ZNF626: variants seen among roughly 807,000 people sequenced by gnomAD.
ZNF626 encodes zinc finger protein 626.
In ZNF626, 4 loss-of-function variants were observed where a neutral mutation model predicts 11.7. The observed-to-expected ratio is 0.34, with a 90% confidence interval of 0.17 to 0.78. ZNF626 has a LOEUF of 0.78. ZNF626 is among the 30% of genes least tolerant of loss of function. ZNF626 has a pLI of 0.57. For synonymous variants in ZNF626, 179 were observed against 198.6 expected (o/e 0.90, Z 0.83); for missense variants, 588 against 587.1 (o/e 1.00, Z -0.01).
chr19:20,655,291 G>A (rs1301504915), intron 1 of ZNF626, among the ~76,000 whole-genome samples: 1 of 152,076 alleles, frequency 6.6e-6, no homozygotes, highest in Non-Finnish European at 1.5e-5. Flanking sequence ...TGCAAATATT[G>A]GATAGTTACC....
intron 3 of ZNF626, among the ~76,000 whole-genome samples, chr19:20,637,616 ATT>A (rs1969980577): frequency 6.6e-6 from 1 of 152,116 alleles, no homozygotes; most frequent in South Asian, 2.1e-4. Flanking sequence ...ATTAAAACAT[ATT>A]GTTTTAACTT....
chr19:20,636,142 A>G (rs140501715), intron 3 of ZNF626, among the ~76,000 whole-genome samples: 265 of 152,274 alleles, frequency 1.7e-3, no homozygotes, highest in Middle Eastern at 3.4e-3. Flanking sequence ...CAAAAAAACC[A>G]AAACCAAAAC....
At chr19:20,641,713 T>C (rs1555771487) in intron 3 of ZNF626, among the ~76,000 whole-genome samples, 1 of 150,178 alleles carries the variant, frequency 6.7e-6, no homozygotes, top group Non-Finnish European at 1.5e-5. Context: ...CCACGATGCC[T>C]GACTCTTATT....
At chr19:20,657,545 G>A (rs1240365628) in intron 1 of ZNF626, among the ~76,000 whole-genome samples, 6 of 152,054 alleles carry the variant, frequency 3.9e-5, no homozygotes, top group African/African-American at 1.2e-4. Flanking sequence ...GGTGGCTCAC[G>A]CCTGTAATCC....
chr19:20,629,544 A>G (rs1244600566), intron 3 of ZNF626, among the ~76,000 whole-genome samples: 3 of 152,136 alleles, frequency 2.0e-5, no homozygotes, highest in African/African-American at 7.2e-5. Flanking sequence ...CTTTGATGCA[A>G]TTGTGAATGG....
At chr19:20,651,170 G>C (rs1040676716) in intron 1 of ZNF626, among the ~76,000 whole-genome samples, 1 of 134,884 alleles carries the variant, frequency 7.4e-6, no homozygotes, top group Non-Finnish European at 1.6e-5. Context: ...CTGGGTGACA[G>C]AGGGAGACTC....
At chr19:20,650,127 C>G (rs1013738538) in intron 1 of ZNF626, among the ~76,000 whole-genome samples, 1 of 151,984 alleles carries the variant, frequency 6.6e-6, no homozygotes, top group Non-Finnish European at 1.5e-5. Flanking sequence ...TAACATATTA[C>G]GTGATTTAAT....
rs1555771890 is a variant in ZNF626, at chr19:20,646,260, G to A, written c.130+19C>T. On this transcript the variant is annotated intron_variant, in intron 2 of 3. Transcript: ENST00000601440. ...AAATAAAATCTATAGGGTATATTAT[G>A]TACTCAAGTTATCCTCACCAAGGAA... 2 of 1,609,878 alleles carry A rather than the reference G, an allele frequency of 1.2e-6. No homozygotes were observed. Among genetic ancestry groups the A allele is most frequent in the Non-Finnish European group, 1.7e-6 (2 of 1,178,140 alleles).
intron 3 of ZNF626, among the ~76,000 whole-genome samples, chr19:20,644,193 G>C (rs1213159400): frequency 6.6e-6 from 1 of 152,140 alleles, no homozygotes; most frequent in Non-Finnish European, 1.5e-5. Context: ...ACAGTTCATG[G>C]TCAGTCCTGC....
chr19:20,646,287 A>C lies in ZNF626; in HGVS notation c.122T>G (p.Val41Gly). The C allele has an allele frequency of 6.2e-7, 1 of 1,613,826 alleles. No individual in the cohort carries two copies. The highest frequency in any genetic ancestry group is 8.5e-7 in the Non-Finnish European group (1 of 1,179,840). The part of the protein sequence containing the change: ...NVMLENYSNL[V>G]FLGITVSKPD... ...ACTCAAGTTATCCTCACCAAGGAAGACCAGGTTACTGTAGTTCTCTAACAT... is the reference window on the plus strand; with the variant it reads ...ACTCAAGTTATCCTCACCAAGGAAGCCCAGGTTACTGTAGTTCTCTAACAT... Residue 41 changes from valine to glycine, a missense_variant, in exon 2 of 4, where the codon GTC becomes GGC. By Grantham distance (109) the Val-to-Gly change is moderately radical. Transcript: ENST00000601440.
rs1446010576 is a variant in ZNF626, at chr19:20,625,469, A to G, written c.408T>C (p.Cys136=). ...HKEGYNELNQ[C]LTTTPRKICQ... The stretch of plus-strand genomic sequence containing the variant: ...ATATTTTTCTTGGGGTAGTTGTCAA[A>G]CATTGGTTAAGTTCATTATAACCTT... Residue 136 remains cysteine (C), a synonymous_variant, in exon 4 of 4, where the codon TGT becomes TGC. Coordinates refer to ENST00000601440, the MANE Select transcript of ZNF626 (RefSeq NM_001076675.3). The G allele has an allele frequency of 1.9e-6, 3 of 1,613,974 alleles. No homozygotes were observed. In the African/African-American group the frequency reaches 4.0e-5, roughly 22 times the overall value.
chr19:20,642,444 A>C (rs1178950341), intron 3 of ZNF626, among the ~76,000 whole-genome samples: 2 of 152,130 alleles, frequency 1.3e-5, no homozygotes, highest in African/African-American at 2.4e-5. Flanking sequence ...ATAATAATGC[A>C]AGAATTGGCC....
At chr19:20,627,667 T>A (rs9304969) in intron 3 of ZNF626, among the ~76,000 whole-genome samples, 68,309 of 151,992 alleles carry the variant, frequency 0.45, 16,638 homozygotes, top group African/African-American at 0.64. Context: ...TATTAAAAAA[T>A]TTTAAAAATC....
chr19:20,636,827 C>A (rs1305979970), intron 3 of ZNF626, among the ~76,000 whole-genome samples: 2 of 152,014 alleles, frequency 1.3e-5, no homozygotes, highest in African/African-American at 4.8e-5. Flanking sequence ...CCAAGACCAG[C>A]CTGAATAACA....
intron 3 of ZNF626, among the ~76,000 whole-genome samples, chr19:20,640,113 A>G (rs548606896): frequency 2.4e-4 from 36 of 152,054 alleles, no homozygotes; most frequent in South Asian, 6.2e-4. Flanking sequence ...TGAAAAGTGA[A>G]TATCAACACC....
At chr19:20,654,119 T>G (rs1357972241) in intron 1 of ZNF626, among the ~76,000 whole-genome samples, 3 of 152,214 alleles carry the variant, frequency 2.0e-5, no homozygotes, top group South Asian at 4.1e-4. Flanking sequence ...CTAGTCATAA[T>G]GTATGTAGCA....
intron 3 of ZNF626, among the ~76,000 whole-genome samples, chr19:20,632,853 G>T (rs1969922134): frequency 6.6e-6 from 1 of 152,158 alleles, no homozygotes; most frequent in Non-Finnish European, 1.5e-5. Context: ...TGGAGGAAGA[G>T]AGGCGCTCGG....
rs546370627 is a variant in ZNF626 at position 20,632,189 on chromosome 19, T to C, written c.227-6539A>G. Among the ~76,000 whole-genome samples the C allele has an allele frequency of 2.0e-5, 3 of 152,356 alleles. No individual in the cohort carries two copies. The South Asian group carries it at 6.2e-4, about 32-fold the overall frequency. On this transcript the variant is annotated intron_variant, in intron 3 of 3. Transcript: ENST00000601440. ...AGTCTGCTGGGCTTCCCTTTGTGGA[T>C]AACCCGAGCTTTCTCTCTGGCTGCT... is the stretch of plus-strand genomic sequence containing the variant.
At chr19:20,647,438 T>C (rs1201432341) in intron 1 of ZNF626, among the ~76,000 whole-genome samples, 1 of 151,678 alleles carries the variant, frequency 6.6e-6, no homozygotes, top group Non-Finnish European at 1.5e-5. Context: ...CTTTAACCAA[T>C]TAATTAATGG....
Sources: allele counts gnomAD v4.1 joint callset (sites outside exome capture counted in the v4.1 genomes callset), GRCh38; gene constraint gnomAD v4.1.1; transcripts MANE v1.5; gene names NCBI Gene and HGNC (gene_info 2026-07-23, HGNC 2026-07-21).